The following LMBR1L variants were observed in gnomAD, a reference collection of about 807,000 sequenced individuals.
LMBR1L encodes protein LMBR1L.
LMBR1L carries 47 observed loss-of-function variants against 67.3 expected under a neutral mutation model. The ratio of observed to expected loss-of-function variants is 0.70; its 90% CI spans 0.55 to 0.89. The LOEUF (loss-of-function observed/expected upper bound fraction) is 0.89. LMBR1L is among the 40% of genes least tolerant of loss of function. The pLI, the probability that LMBR1L is intolerant of heterozygous loss-of-function variation, is 0.00. For missense variants in LMBR1L, 533 were observed against 599.2 expected (o/e 0.89, Z 1.15); for synonymous variants, 247 against 250.3 (o/e 0.99, Z 0.13).
rs532095439 is a variant in LMBR1L at position 49,105,786 on chromosome 12, G to A, written c.191+138C>T. Reference sequence around the variant, plus strand: ...AGCATCCCCAGGGTGAGGTAAAGCCGGAAGCCAGAAATGGGGTGGAAACAG... The same window carrying A: ...AGCATCCCCAGGGTGAGGTAAAGCCAGAAGCCAGAAATGGGGTGGAAACAG... On this transcript the variant is annotated intron_variant, in intron 3 of 16. Transcript: ENST00000267102. 49 of 656,524 alleles carry A rather than the reference G, an allele frequency of 7.5e-5. 1 individual carries two copies. The highest frequency in any genetic ancestry group is 6.0e-5 in the East Asian group (2 of 33,212). 40.7% of individuals were successfully genotyped at this position (656,524 alleles called of 1,614,324 possible). A position where few individuals can be genotyped will look rare whatever the true frequency, so the allele number is the denominator to read the frequency against.
chr12:49,102,755 A>C, intron 8 of LMBR1L, 132 bp downstream of exon 8: 1 of 922,290 alleles, frequency 1.1e-6, no homozygotes, highest in Non-Finnish European at 1.7e-6. Context: ...GGGGTACAGA[A>C]TACAGGAACC....
rs1940698279 is a variant in LMBR1L at position 49,104,854 on chromosome 12, C to A, written c.223G>T (p.Ala75Ser). Residue 75 changes from alanine to serine, a missense_variant, in exon 4 of 17, where the codon GCC becomes TCC. Transcript: ENST00000267102. ...GGCAGGAGCAGGACAGCACCCAGGG[C>A]AATTGCCAGGGTAAAGGTGCACAGC... is the stretch of plus-strand genomic sequence containing the variant. ...LELCTFTLAI[A>S]LGAVLLLPFS... 1 of 1,613,202 alleles carries A rather than the reference C, an allele frequency of 6.2e-7. No homozygotes were observed. Among genetic ancestry groups the A allele is most frequent in the African/African-American group, 1.3e-5 (1 of 74,890 alleles).
intron 1 of LMBR1L, among the ~76,000 whole-genome samples, chr12:49,108,428 G>A (rs939612881): frequency 6.6e-6 from 1 of 151,980 alleles, no homozygotes; most frequent in African/African-American, 2.4e-5. Context: ...CAGGCGTGGT[G>A]GCATGCACCT....
chr12:49,097,831 A>G, intron 16 of LMBR1L, 92 bp from the exon 17 acceptor site: 2 of 1,596,390 alleles, frequency 1.3e-6, no homozygotes, highest in Non-Finnish European at 1.7e-6. Flanking sequence ...TGGATGAGGT[A>G]CGTTACCCAC....
chr12:49,102,665 T>C, intron 8 of LMBR1L, 125 bp from the exon 9 acceptor site: 1 of 1,028,240 alleles, frequency 9.7e-7, no homozygotes, highest in Non-Finnish European at 1.5e-6. Context: ...TTCACCACCC[T>C]GTGGCCCGCA....
chr12:49,107,424 C>T (rs970844320), intron 1 of LMBR1L, among the ~76,000 whole-genome samples: 2 of 152,202 alleles, frequency 1.3e-5, no homozygotes, highest in South Asian at 2.1e-4. Flanking sequence ...GAATTTACTC[C>T]GAGCACATTA....
At chr12:49,098,373 A>G (rs2042654737) in intron 15 of LMBR1L, among the ~76,000 whole-genome samples, 2 of 152,150 alleles carry the variant, frequency 1.3e-5, no homozygotes, top group African/African-American at 2.4e-5. Flanking sequence ...AGGAACTCCC[A>G]GGGCCTACTA....
At position 49,100,404 on chromosome 12, in the gene LMBR1L, G is replaced by A. The variant is rs1199977419; in HGVS notation, c.1224C>T (p.Val408=). 6.2e-7 allele frequency: 1 copy of A among 1,613,718 alleles called. No homozygotes were observed. Among genetic ancestry groups the A allele is most frequent in the Admixed American group, 1.7e-5 (1 of 60,034 alleles). The change falls in exon 15 of 17, where the codon GTC becomes GTT. Residue 408 remains valine (V), a synonymous_variant. Transcript: ENST00000267102. ...CLLVLSSALP[V]FSRTLGLTRF... is the part of the protein sequence containing the mutation. Reference sequence around the variant, plus strand: ...AATACTTACCCAGGGTTCGAGAGAAGACAGGAAGTGCTGAGCTTAGGACCA... The same window carrying A: ...AATACTTACCCAGGGTTCGAGAGAAAACAGGAAGTGCTGAGCTTAGGACCA...
In LMBR1L at chr12:49,104,771, C is replaced by T. The variant is rs897726988; in HGVS notation, c.306G>A (p.Gln102=). ...CATGGATGAGGGAGCCGTTGAGCCA[C>T]TGGATGTAGTAGTTCCGAGGCAGGG... ...LLSLPRNYYI[Q]WLNGSLIHGL... The change falls in exon 4 of 17, where the codon CAG becomes CAA. Residue 102 remains glutamine (Q), a synonymous_variant. Coordinates refer to ENST00000267102, the MANE Select transcript of LMBR1L (RefSeq NM_018113.4). 17 of 1,613,792 alleles carry T rather than the reference C, an allele frequency of 1.1e-5. No individual in the cohort carries two copies. Among genetic ancestry groups the T allele is most frequent in the Non-Finnish European group, 1.4e-5 (17 of 1,179,886 alleles).
chr12:49,103,247 C>T, intron 6 of LMBR1L, 88 bp from the exon 7 acceptor site: 2 of 1,089,560 alleles, frequency 1.8e-6, no homozygotes, highest in Non-Finnish European at 2.8e-6. Context: ...GACAAGGGCA[C>T]AGTCCCCACA....
chr12:49,106,121 T>C (rs1940875166), intron 2 of LMBR1L, 164 bp from the exon 3 acceptor site: 2 of 595,992 alleles, frequency 3.4e-6, no homozygotes, highest in African/African-American at 1.9e-5. Context: ...CCATAGCCTG[T>C]TCTCCAGCCA....
intron 3 of LMBR1L, among the ~76,000 whole-genome samples, chr12:49,105,477 ATCTC>A (rs1451850750): frequency 6.6e-6 from 1 of 152,150 alleles, no homozygotes; most frequent in African/African-American, 2.4e-5. Context: ...AAGGAGTCAT[ATCTC>A]TATCTTTTTC....
At chr12:49,101,618 G>A (rs1362771166) in intron 11 of LMBR1L, 69 bp from the exon 12 acceptor site, 11 of 1,136,230 alleles carry the variant, frequency 9.7e-6, no homozygotes. Context: ...AAAGGAATGG[G>A]CAGACTCTGG....
Position 49,110,566 on chromosome 12 carries a change from G to T in LMBR1L, c.-11C>A. The T allele has an allele frequency of 6.2e-7, 1 of 1,613,302 alleles. No homozygotes were observed. Among genetic ancestry groups the T allele is most frequent in the Non-Finnish European group, 8.5e-7 (1 of 1,179,322 alleles). On this transcript the variant is annotated 5_prime_UTR_variant, in exon 1 of 17. In the 5' UTR this introduces an upstream ATG that the reference lacks. Coordinates refer to ENST00000267102, the MANE Select transcript of LMBR1L (RefSeq NM_018113.4). ...GTCAGGTGCTTCCATACTCTGCTCA[G>T]CATGACTGAAGCCGAGGTGCCTCTG...
chr12:49,100,974 C>T (rs1451034041), intron 13 of LMBR1L: 3 of 597,510 alleles, frequency 5.0e-6, no homozygotes, highest in Non-Finnish European at 2.8e-6. Context: ...AGCAATCTAC[C>T]CGCCTCAGCC....
In LMBR1L at chr12:49,103,756, C is replaced by T; in HGVS notation, c.493G>A (p.Val165Met). 6.2e-7 allele frequency: 1 copy of T among 1,614,110 alleles called. No individual in the cohort carries two copies. The highest frequency in any genetic ancestry group is 8.5e-7 in the Non-Finnish European group (1 of 1,180,004). Residue 165 changes from valine (V) to methionine (M), a missense_variant, in exon 6 of 17, where the codon GTG (valine) becomes ATG (methionine). This residue lies in a region of LMBR1L where 246 missense variants were observed against 249.0 expected (regional missense o/e 0.99). Transcript: ENST00000267102. ...GATGCCACCCACACCATACCTAGCACCAGCAGAGTGAGGAGCATCAACATC... is the reference window on the plus strand; with the variant it reads ...GATGCCACCCACACCATACCTAGCATCAGCAGAGTGAGGAGCATCAACATC... ...VVMLMLLTLL[V>M]LGMVWVASAI...
chr12:49,104,688 ACT>A (rs764510609), intron 4 of LMBR1L, 56 bp downstream of exon 4: 13 of 1,607,818 alleles, frequency 8.1e-6, no homozygotes, highest in Non-Finnish European at 1.7e-6. Context: ...AGTCCACCCA[ACT>A]CTATCTGCTC....
At position 49,106,683 on chromosome 12, in the gene LMBR1L, C is replaced by A. The variant is rs115502133; in HGVS notation, c.157+278G>T. 1,669 of 1,219,870 alleles carry A rather than the reference C, an allele frequency of 1.4e-3. 25 individuals are homozygous for A. The African/African-American group carries it at 0.023, about 17-fold the overall frequency. 75.6% of individuals were successfully genotyped at this position (1,219,870 alleles called of 1,614,324 possible). On this transcript the variant is annotated intron_variant, in intron 2 of 16. Coordinates refer to ENST00000267102, the MANE Select transcript of LMBR1L (RefSeq NM_018113.4). ...GGTTCACAAAGGGCTTTCACATTAA[C>A]CATCTCCTTTGGTCCACACAATGGA...
chr12:49,105,223 T>C (rs558487850), intron 3 of LMBR1L: 2 of 285,688 alleles, frequency 7.0e-6, no homozygotes, highest in South Asian at 1.1e-4. Context: ...CTAGGGGACC[T>C]GGCTTCTCTT....
Sources: allele counts gnomAD v4.1 joint callset (sites outside exome capture counted in the v4.1 genomes callset), GRCh38; gene constraint gnomAD v4.1.1; regional missense constraint gnomAD v4.1.1; transcripts MANE v1.5; gene names NCBI Gene and HGNC (gene_info 2026-07-23, HGNC 2026-07-21).